The following ARID4B variants were observed in gnomAD, a reference collection of about 807,000 sequenced individuals.
The protein encoded by ARID4B is AT-rich interactive domain-containing protein 4B.
ARID4B carries 26 observed loss-of-function variants against 147.5 expected under a neutral mutation model. That is an observed-to-expected ratio of 0.18 (90% CI 0.13 to 0.24). ARID4B has a LOEUF of 0.24. ARID4B is among the 10% of genes least tolerant of loss of function. The pLI, the probability that ARID4B is intolerant of heterozygous loss-of-function variation, is 1.00. For synonymous variants in ARID4B, 512 were observed against 507.9 expected (o/e 1.01, Z -0.11); for missense variants, 1,179 against 1,511.5 (o/e 0.78, Z 3.65).
intron 2 of ARID4B, among the ~76,000 whole-genome samples, chr1:235,296,943 C>T (rs36128387): frequency 0.013 from 2,029 of 151,816 alleles, 24 homozygotes; most frequent in South Asian, 0.043. Flanking sequence ...CCCTTAACAC[C>T]CTGATTGTGA....
chr1:235,176,147 A>G (rs941175374), intron 21 of ARID4B, among the ~76,000 whole-genome samples: 5 of 152,176 alleles, frequency 3.3e-5, no homozygotes, highest in African/African-American at 1.2e-4. Context: ...CATCAGAATT[A>G]ATTCATGTTA....
intron 4 of ARID4B, among the ~76,000 whole-genome samples, chr1:235,256,239 T>C (rs1403062559): frequency 6.6e-6 from 1 of 150,588 alleles, no homozygotes; most frequent in Non-Finnish European, 1.5e-5. Flanking sequence ...AGTGAAAATG[T>C]TAATGTAGTA....
chr1:235,267,201 T>C (rs773285589), intron 2 of ARID4B, among the ~76,000 whole-genome samples: 1 of 150,992 alleles, frequency 6.6e-6, no homozygotes, highest in Non-Finnish European at 1.5e-5. Context: ...TCGCTAGAGC[T>C]CAGGAAATGG....
At chr1:235,233,650 C>T (rs907036317) in intron 9 of ARID4B, among the ~76,000 whole-genome samples, 2 of 152,156 alleles carry the variant, frequency 1.3e-5, no homozygotes, top group East Asian at 3.9e-4. Context: ...ACAAGTAACC[C>T]ATTTTAATCC....
chr1:235,273,523 G>A (rs533145529), intron 2 of ARID4B, among the ~76,000 whole-genome samples: 10 of 152,214 alleles, frequency 6.6e-5, no homozygotes, highest in South Asian at 2.1e-4. Context: ...ATTAAACTAC[G>A]ATATACCATC....
chr1:235,186,466 G>T (rs764586705), intron 19 of ARID4B, among the ~76,000 whole-genome samples: 5 of 146,704 alleles, frequency 3.4e-5, no homozygotes, highest in Non-Finnish European at 4.5e-5. Context: ...GCTGGAGTGC[G>T]CTGGCAAGAT....
intron 17 of ARID4B, among the ~76,000 whole-genome samples, chr1:235,205,760 A>G (rs1312955593): frequency 6.6e-6 from 1 of 152,250 alleles, no homozygotes; most frequent in East Asian, 1.9e-4. Context: ...GCTAATAAGT[A>G]CATGAAAAAA....
intron 17 of ARID4B, among the ~76,000 whole-genome samples, chr1:235,201,322 A>G (rs1396142462): frequency 2.0e-5 from 3 of 152,006 alleles, no homozygotes; most frequent in Admixed American, 6.6e-5. Flanking sequence ...AAGGAATACG[A>G]GAATCTTCTT....
chr1:235,221,640 T>C lies in ARID4B; in HGVS notation c.1088A>G (p.Lys363Arg). 1 of 1,609,734 alleles carries C rather than the reference T, an allele frequency of 6.2e-7. No homozygotes were observed. Among genetic ancestry groups the C allele is most frequent in the Non-Finnish European group, 8.5e-7 (1 of 1,176,850 alleles). Residue 363 changes from lysine (K) to arginine (R), a missense_variant, in exon 14 of 24, where the codon AAA (lysine) becomes AGA (arginine). Coordinates refer to ENST00000264183, the MANE Select transcript of ARID4B (RefSeq NM_016374.6). ...FDNIESGAVWKQVYQDLGIPV... is the reference protein window; with the variant it reads ...FDNIESGAVWRQVYQDLGIPV... ...GATTCCAAGATCTTGGTAGACTTGTTTCCAAACAGCTCCACTTTCAATCTA... is the reference window on the plus strand; with the variant it reads ...GATTCCAAGATCTTGGTAGACTTGTCTCCAAACAGCTCCACTTTCAATCTA...
At chr1:235,247,401 T>C (rs535184795) in intron 6 of ARID4B, among the ~76,000 whole-genome samples, 9 of 152,316 alleles carry the variant, frequency 5.9e-5, no homozygotes, top group African/African-American at 2.2e-4. Flanking sequence ...AATTTTGTTA[T>C]AACTACAATG....
chr1:235,309,278 G>A (rs1340071037), intron 2 of ARID4B, among the ~76,000 whole-genome samples: 2 of 121,484 alleles, frequency 1.6e-5, no homozygotes, highest in East Asian at 4.5e-4. Context: ...CCTCCGCCCG[G>A]CAGCCGCCCC....
At chr1:235,276,469 T>C (rs1250161367) in intron 2 of ARID4B, among the ~76,000 whole-genome samples, 2 of 152,104 alleles carry the variant, frequency 1.3e-5, no homozygotes, top group African/African-American at 4.8e-5. Flanking sequence ...TTTTTCAAAG[T>C]TATAAACTTC....
At chr1:235,236,833 A>AAATATATATATATATAT (rs1175189621) in intron 8 of ARID4B, among the ~76,000 whole-genome samples, 1 of 33,522 alleles carries the variant, frequency 3.0e-5, no homozygotes. Flanking sequence ...TTTTATAAAA[A>AAATATATATATATATAT]ATATATATAT....
At chr1:235,211,114 A>C (rs1240185706) in intron 17 of ARID4B, among the ~76,000 whole-genome samples, 1 of 152,180 alleles carries the variant, frequency 6.6e-6, no homozygotes, top group African/African-American at 2.4e-5. Context: ...CAGGTGGATC[A>C]CCTGAGGTCA....
At chr1:235,215,000 C>T (rs1312255501) in intron 16 of ARID4B, among the ~76,000 whole-genome samples, 2 of 152,030 alleles carry the variant, frequency 1.3e-5, no homozygotes, top group African/African-American at 4.8e-5. Context: ...CACCACCACA[C>T]CCAGCTAATT....
Position 235,182,041 on chromosome 1 carries a change from G to A in ARID4B, c.2878C>T (p.Pro960Ser). 6.2e-7 allele frequency: 1 copy of A among 1,614,052 alleles called. No homozygotes were observed. Among genetic ancestry groups the A allele is most frequent in the Non-Finnish European group, 8.5e-7 (1 of 1,180,010 alleles). The change falls in exon 20 of 24, where the codon CCA (proline) becomes TCA (serine). Residue 960 changes from proline to serine, a missense_variant. This residue lies in a region of ARID4B where 357 missense variants were observed against 427.3 expected (regional missense o/e 0.84). Transcript: ENST00000264183. The stretch of plus-strand genomic sequence containing the variant: ...GACTCCTCTGCCACCCCCTCCTCTG[G>A]GGCAGGATGCGGTGGGGAAGCTGCA... ...EAAASPPHPA[P>S]EEGVAEESLQ...
At chr1:235,214,837 C>CTTTTTTTTTTTTTTTT (rs10657168) in intron 16 of ARID4B, among the ~76,000 whole-genome samples, 1 of 102,326 alleles carries the variant, frequency 9.8e-6, no homozygotes, top group East Asian at 3.0e-4. Flanking sequence ...GTATTACATC[C>CTTTTTTTTTTTTTTTT]TTTTTTTTTT....
At chr1:235,237,977 G>C (rs10925194) in intron 8 of ARID4B, among the ~76,000 whole-genome samples, 70,878 of 151,450 alleles carry the variant, frequency 0.47, 16,916 homozygotes, top group South Asian at 0.6. Context: ...ATGGAGAAAC[G>C]CTGTCTCTAC....
chr1:235,237,743 G>C (rs1002130949), intron 8 of ARID4B, among the ~76,000 whole-genome samples: 1 of 152,154 alleles, frequency 6.6e-6, no homozygotes, highest in Non-Finnish European at 1.5e-5. Context: ...ATAAACAAAG[G>C]ACAGTGTTTT....
Sources: gnomAD v4.1 joint callset for allele counts (sites outside exome capture counted in the v4.1 genomes callset) on GRCh38, gnomAD v4.1.1 for gene constraint, gnomAD v4.1.1 regional missense constraint, MANE v1.5 for transcripts, NCBI Gene and HGNC (gene_info 2026-07-23, HGNC 2026-07-21) for gene names.